The following VPS13B variants were observed in gnomAD, a reference collection of about 807,000 sequenced individuals.
VPS13B encodes the protein intermembrane lipid transfer protein VPS13B.
Under a neutral mutation model 426.4 loss-of-function variants are expected in VPS13B, and 285 were observed. That is an observed-to-expected ratio of 0.67 (90% CI 0.61 to 0.74). The LOEUF (loss-of-function observed/expected upper bound fraction) is 0.74, where lower values mean the gene tolerates loss of function less well. Ranked by LOEUF, VPS13B falls within the 30% of genes least tolerant of loss-of-function variation. The probability of loss-of-function intolerance (pLI) is 0.00; values close to 1 mark genes in which losing one functional copy is unlikely to be tolerated. For missense variants in VPS13B, 4,537 were observed against 4,782.6 expected (o/e 0.95, Z 1.51); for synonymous variants, 1,676 against 1,676.4 (o/e 1.00, Z 0.01).
chr8:99,100,856 CA>C (rs953240294), intron 4 of VPS13B, among the ~76,000 whole-genome samples: 3 of 151,798 alleles, frequency 2.0e-5, no homozygotes, highest in African/African-American at 7.3e-5. Flanking sequence ...GCCTGACCAA[CA>C]TGGTGAAACC....
chr8:99,138,854 G>T (rs1287160628), intron 12 of VPS13B, among the ~76,000 whole-genome samples: 1 of 152,148 alleles, frequency 6.6e-6, no homozygotes, highest in Non-Finnish European at 1.5e-5. Flanking sequence ...CTTGTGAGGA[G>T]GTGAAGTATG....
intron 19 of VPS13B, among the ~76,000 whole-genome samples, chr8:99,277,162 G>T (rs1040145945): frequency 6.6e-6 from 1 of 151,986 alleles, no homozygotes; most frequent in Non-Finnish European, 1.5e-5. Flanking sequence ...CACCTAATCT[G>T]CAACATTAGT....
At chr8:99,246,020 TTTTTG>T (rs1315420645) in intron 17 of VPS13B, among the ~76,000 whole-genome samples, 16 of 152,362 alleles carry the variant, frequency 1.1e-4, no homozygotes, top group East Asian at 3.9e-4. Flanking sequence ...ATTTTACTGT[TTTTTG>T]TTTTGTTTTG....
intron 17 of VPS13B, among the ~76,000 whole-genome samples, chr8:99,225,648 C>A (rs1815975048): frequency 6.6e-6 from 1 of 152,202 alleles, no homozygotes; most frequent in South Asian, 2.1e-4. Context: ...TGTAAGTCAT[C>A]ATGTTCTGTT....
chr8:99,423,669 C>T (rs1351055609), intron 21 of VPS13B, among the ~76,000 whole-genome samples: 2 of 152,092 alleles, frequency 1.3e-5, no homozygotes, highest in Admixed American at 1.3e-4. Flanking sequence ...TCACAAGAGG[C>T]TTCAACAATG....
intron 33 of VPS13B, among the ~76,000 whole-genome samples, chr8:99,605,434 A>G (rs935990785): frequency 1.2e-4 from 19 of 152,338 alleles, no homozygotes; most frequent in African/African-American, 4.6e-4. Flanking sequence ...TAAACACTCT[A>G]TTCTTCAATC....
At chr8:99,078,271 G>A (rs1259122578) in intron 3 of VPS13B, among the ~76,000 whole-genome samples, 5 of 149,384 alleles carry the variant, frequency 3.3e-5, no homozygotes, top group Middle Eastern at 3.2e-3. Flanking sequence ...TGCATCTAGT[G>A]TACCGTTCAC....
At chr8:99,593,427 A>G (rs770486950) in intron 33 of VPS13B, among the ~76,000 whole-genome samples, 10 of 152,018 alleles carry the variant, frequency 6.6e-5, no homozygotes, top group Non-Finnish European at 1.0e-4. Context: ...TTGCAAGGTT[A>G]TGGAGAAAAA....
At chr8:99,091,673 T>G (rs910854013) in intron 3 of VPS13B, 2 of 152,210 alleles carry the variant, frequency 1.3e-5, no homozygotes, top group African/African-American at 4.8e-5. Context: ...AGTGTACCTC[T>G]GAGTAAATGA....
Position 99,862,784 on chromosome 8 carries a change from T to C in VPS13B, c.11215+838T>C, listed in dbSNP as rs563057472. ...TTCAGTTCTCTACAGAACTCCTAGA[T>C]TGGCAACTGCAGCTAGCTGAGGCTC... On this transcript the variant is annotated intron_variant, in intron 58 of 61. Transcript: ENST00000357162. Among the ~76,000 whole-genome samples, 3 of 152,302 alleles carry C rather than the reference T, an allele frequency of 2.0e-5. No individual in the cohort carries two copies. In the South Asian group the frequency reaches 6.2e-4, roughly 32 times the overall value.
intron 35 of VPS13B, among the ~76,000 whole-genome samples, chr8:99,682,309 C>G: frequency 6.6e-6 from 1 of 152,038 alleles, no homozygotes; most frequent in East Asian, 1.9e-4. Context: ...ACTAAAGATA[C>G]AAAAAAATTA....
chr8:99,545,394 C>A (rs1454375645), intron 30 of VPS13B, among the ~76,000 whole-genome samples: 1 of 152,088 alleles, frequency 6.6e-6, no homozygotes, highest in Non-Finnish European at 1.5e-5. Flanking sequence ...TAGCCATTAT[C>A]TACTGTAACT....
chr8:99,816,126 G>T (rs1249185793), intron 44 of VPS13B, among the ~76,000 whole-genome samples: 1 of 150,328 alleles, frequency 6.7e-6, no homozygotes, highest in Non-Finnish European at 1.5e-5. Flanking sequence ...TTTTTAGACG[G>T]AGTTTTACTC....
chr8:99,470,525 TA>T (rs1404794722), intron 24 of VPS13B, among the ~76,000 whole-genome samples: 2 of 152,158 alleles, frequency 1.3e-5, no homozygotes, highest in African/African-American at 4.8e-5. Context: ...TATGTGGGCT[TA>T]AAGGTAGCTT....
At chr8:99,511,079 T>C (rs200264178) in intron 28 of VPS13B, 25 bp from the exon 29 acceptor site, 2 of 1,609,734 alleles carry the variant, frequency 1.2e-6, no homozygotes, top group East Asian at 2.2e-5. Context: ...GAACTGTGTA[T>C]TGTGATTTCC....
At chr8:99,272,780 C>T (rs998068953) in intron 17 of VPS13B, among the ~76,000 whole-genome samples, 1 of 151,954 alleles carries the variant, frequency 6.6e-6, no homozygotes, top group Non-Finnish European at 1.5e-5. Context: ...TATTTGCTTC[C>T]TTTTTATCTA....
intron 5 of VPS13B, among the ~76,000 whole-genome samples, chr8:99,106,694 T>A (rs1208298453): frequency 6.6e-6 from 1 of 152,144 alleles, no homozygotes; most frequent in East Asian, 1.9e-4. Context: ...TGGAACCATA[T>A]GTATTTTGGG....
chr8:99,474,084 T>TA (rs1227333334), intron 24 of VPS13B, among the ~76,000 whole-genome samples: 2 of 152,008 alleles, frequency 1.3e-5, no homozygotes, highest in African/African-American at 2.4e-5. Flanking sequence ...TAATCAAGTT[T>TA]AAAAAAATAC....
At chr8:99,146,814 C>A (rs536739849) in intron 13 of VPS13B, among the ~76,000 whole-genome samples, 2 of 152,270 alleles carry the variant, frequency 1.3e-5, no homozygotes, top group South Asian at 2.1e-4. Flanking sequence ...CTCAAACAAT[C>A]CTGCCTTGGC....
Sources: gnomAD v4.1 joint callset for allele counts (sites outside exome capture counted in the v4.1 genomes callset) on GRCh38, gnomAD v4.1.1 for gene constraint, MANE v1.5 for transcripts, NCBI Gene and HGNC (gene_info 2026-07-23, HGNC 2026-07-21) for gene names.